The following NRXN3 variants were observed in gnomAD, a reference collection of about 807,000 sequenced individuals.
The protein encoded by NRXN3 is neurexin III.
NRXN3 carries 32 observed loss-of-function variants against 137.6 expected under a neutral mutation model. That is an observed-to-expected ratio of 0.23 (90% CI 0.18 to 0.31). The LOEUF is 0.31. Among genes scored for constraint, NRXN3 ranks in the 10% least tolerant of loss-of-function variants. NRXN3 has a pLI of 1.00. For missense variants in NRXN3, 1,574 were observed against 2,062.5 expected, an observed-to-expected ratio of 0.76 and a Z score of 4.59; for synonymous variants, 798 against 784.5, an observed-to-expected ratio of 1.02 and a Z score of -0.29.
intron 20 of NRXN3, among the ~76,000 whole-genome samples, chr14:79,818,577 A>AC (rs200921055): frequency 7.2e-4 from 110 of 152,264 alleles, no homozygotes; most frequent in African/African-American, 2.6e-3. Flanking sequence ...AACAACAACA[A>AC]AACGAACTTG....
chr14:79,392,121 C>A (rs2094867329), intron 15 of NRXN3, among the ~76,000 whole-genome samples: 2 of 152,158 alleles, frequency 1.3e-5, no homozygotes, highest in African/African-American at 4.8e-5. Context: ...TGAGGAATTT[C>A]TCCTAATGCT....
intron 6 of NRXN3, among the ~76,000 whole-genome samples, chr14:78,655,504 C>T (rs2097777583): frequency 6.6e-6 from 1 of 152,010 alleles, no homozygotes; most frequent in Non-Finnish European, 1.5e-5. Context: ...ATAACTCATC[C>T]CACCTGCCCT....
chr14:79,850,623 A>G, intron 20 of NRXN3, among the ~76,000 whole-genome samples: 1 of 152,234 alleles, frequency 6.6e-6, no homozygotes, highest in Middle Eastern at 3.2e-3. Context: ...ACTGTTTCAA[A>G]TCAAATTATT....
chr14:78,944,562 C>A (rs1171151991), intron 10 of NRXN3, among the ~76,000 whole-genome samples: 3 of 152,054 alleles, frequency 2.0e-5, no homozygotes, highest in African/African-American at 7.2e-5. Flanking sequence ...TGATGGTGTC[C>A]TCATCAGAAG....
chr14:78,365,844 C>A (rs545967921), intron 4 of NRXN3, among the ~76,000 whole-genome samples: 1 of 152,158 alleles, frequency 6.6e-6, no homozygotes, highest in African/African-American at 2.4e-5. Context: ...AAAACAGATA[C>A]AAATTTCTAC....
intron 4 of NRXN3, among the ~76,000 whole-genome samples, chr14:78,466,090 T>A (rs965466853): frequency 6.6e-6 from 1 of 152,112 alleles, no homozygotes; most frequent in African/African-American, 2.4e-5. Context: ...CCTGACCTCG[T>A]GATCTGCCCA....
chr14:78,985,950 CT>C (rs2099502479), intron 14 of NRXN3, among the ~76,000 whole-genome samples: 1 of 152,196 alleles, frequency 6.6e-6, no homozygotes, highest in African/African-American at 2.4e-5. Flanking sequence ...AGCAGCAGTA[CT>C]GTAACCCCAG....
chr14:79,817,315 A>T lies in NRXN3; in HGVS notation c.4093+12125A>T, dbSNP rs148384903. On this transcript the variant is annotated intron_variant, in intron 20 of 20. Coordinates refer to ENST00000335750, the MANE Select transcript of NRXN3 (RefSeq NM_001330195.2). The stretch of plus-strand genomic sequence containing the variant: ...TGATCTGCCTGCCTTGGCCTCCCGA[A>T]GTTCTGGGATTACAGGTATGAGCCA... Among the ~76,000 whole-genome samples, 20 of 152,234 alleles carry T rather than the reference A, an allele frequency of 1.3e-4. No individual in the cohort carries two copies. The East Asian group carries it at 3.9e-3, about 29-fold the overall frequency.
intron 4 of NRXN3, among the ~76,000 whole-genome samples, chr14:78,630,114 T>C (rs2097505496): frequency 6.6e-6 from 1 of 152,194 alleles, no homozygotes; most frequent in African/African-American, 2.4e-5. Context: ...AAAGTCCTAG[T>C]GAACTTCTCA....
At position 78,243,098 on chromosome 14, in the gene NRXN3, G is replaced by T; in HGVS notation, c.5G>T (p.Ser2Ile). ...GGCTCTGTCCCAGCAGCGACAATGAGCTCCACACTCCACTCGGTTTTCTTC... is the reference window on the plus strand; with the variant it reads ...GGCTCTGTCCCAGCAGCGACAATGATCTCCACACTCCACTCGGTTTTCTTC... M[S>I]STLHSVFFTL... The change falls in exon 2 of 21, where the codon AGC (serine) becomes ATC (isoleucine). Residue 2 changes from serine (S) to isoleucine (I), a missense_variant. By Grantham distance (142) the Ser-to-Ile change is moderately radical. Coordinates refer to ENST00000335750, the MANE Select transcript of NRXN3 (RefSeq NM_001330195.2). This position sits in a 1 kb window ranked among gnomAD's most constrained non-coding sequence, Gnocchi z 4.2. The T allele has an allele frequency of 6.6e-7, 1 of 1,523,150 alleles. No homozygotes were observed. The highest frequency in any genetic ancestry group is 8.8e-7 in the Non-Finnish European group (1 of 1,141,198). 94.4% of individuals were successfully genotyped at this position (1,523,150 alleles called of 1,614,324 possible).
intron 4 of NRXN3, among the ~76,000 whole-genome samples, chr14:78,568,663 A>G (rs950954993): frequency 6.6e-6 from 1 of 152,226 alleles, no homozygotes; most frequent in African/African-American, 2.4e-5. Flanking sequence ...TACAAGCAAT[A>G]TGTCTTTGAA....
chr14:79,301,191 A>G (rs758614457), intron 15 of NRXN3, among the ~76,000 whole-genome samples: 3 of 152,066 alleles, frequency 2.0e-5, no homozygotes, highest in Non-Finnish European at 2.9e-5. Flanking sequence ...TGGTGTCGTC[A>G]TTGCAACAAA....
intron 4 of NRXN3, among the ~76,000 whole-genome samples, chr14:78,397,640 G>A (rs1227032691): frequency 6.6e-6 from 1 of 151,748 alleles, no homozygotes; most frequent in Non-Finnish European, 1.5e-5. Context: ...GTCTAGCTCT[G>A]TCACCCAGGC....
chr14:79,347,350 A>C (rs1420033450), intron 15 of NRXN3, among the ~76,000 whole-genome samples: 1 of 152,112 alleles, frequency 6.6e-6, no homozygotes, highest in African/African-American at 2.4e-5. Context: ...TGCCTGATAA[A>C]GTGATTATTC....
chr14:79,109,906 A>AATAAT (rs2053168434), intron 15 of NRXN3, among the ~76,000 whole-genome samples: 2 of 152,104 alleles, frequency 1.3e-5, no homozygotes, highest in South Asian at 4.1e-4. Flanking sequence ...TTTAAAAAAT[A>AATAAT]ATAATAATAA....
rs776101323 is a variant in NRXN3, at chr14:78,642,688, A to G, written c.758-2432A>G. 5.9e-5 allele frequency among the ~76,000 whole-genome samples: 9 copies of G among 152,214 alleles called. No homozygotes were observed. The East Asian group carries it at 1.7e-3, about 29-fold the overall frequency. On this transcript the variant is annotated intron_variant, in intron 4 of 20. Coordinates refer to ENST00000335750, the MANE Select transcript of NRXN3 (RefSeq NM_001330195.2). ...TTTGATTTGTCACCTTCTACTCTAG[A>G]TCAGGGTCACCTCCAGGTCTCCTGA...
At chr14:78,709,188 A>C (rs1434441309) in intron 6 of NRXN3, 29 bp from the exon 7 acceptor site, 23 of 1,584,920 alleles carry the variant, frequency 1.5e-5, no homozygotes, top group Non-Finnish European at 2.0e-5. Flanking sequence ...AGATTGATTC[A>C]CATGGCACTT....
chr14:78,706,915 G>A (rs1003369946), intron 6 of NRXN3, among the ~76,000 whole-genome samples: 7 of 151,986 alleles, frequency 4.6e-5, no homozygotes, highest in Non-Finnish European at 1.0e-4. Context: ...TAAATATTGG[G>A]GATTATATGA....
chr14:79,440,341 C>T (rs558544038), intron 15 of NRXN3, among the ~76,000 whole-genome samples: 1 of 152,256 alleles, frequency 6.6e-6, no homozygotes, highest in South Asian at 2.1e-4. Context: ...AATAGAAATG[C>T]TAATATCTAC....
Sources: allele counts gnomAD v4.1 joint callset (sites outside exome capture counted in the v4.1 genomes callset), GRCh38; gene constraint gnomAD v4.1.1; non-coding constraint Gnocchi (gnomAD v3.1); transcripts MANE v1.5; gene names NCBI Gene and HGNC (gene_info 2026-07-23, HGNC 2026-07-21).